The following RPL3L variants were observed in gnomAD, a reference collection of about 807,000 sequenced individuals.
RPL3L encodes ribosomal protein L3 like.
RPL3L carries 44 observed loss-of-function variants against 44.5 expected under a neutral mutation model. That is an observed-to-expected ratio of 0.99 (90% CI 0.78 to 1.27). The LOEUF (loss-of-function observed/expected upper bound fraction) is 1.27, where lower values mean the gene tolerates loss of function less well. Ranked by LOEUF, RPL3L falls within the 50% of genes most tolerant of loss-of-function variation. RPL3L has a pLI of 0.00. For missense variants in RPL3L, 631 were observed against 569.1 expected, an observed-to-expected ratio of 1.11 and a Z score of -1.11; for synonymous variants, 292 against 230.7, an observed-to-expected ratio of 1.27 and a Z score of -2.41.
At chr16:1,947,511 T>G in intron 4 of RPL3L, 131 bp from the exon 5 acceptor site, 2 of 1,142,556 alleles carry the variant, frequency 1.8e-6, no homozygotes, top group Non-Finnish European at 1.2e-6. Flanking sequence ...CAGGATCAGG[T>G]TGCAACCCAT....
rs1309717155 is a variant in RPL3L, at chr16:1,944,830, A to G, written c.*7T>C. 2 of 1,613,898 alleles carry G rather than the reference A, an allele frequency of 1.2e-6. No individual in the cohort carries two copies. Among genetic ancestry groups the G allele is most frequent in the Admixed American group, 3.3e-5 (2 of 59,986 alleles). On this transcript the variant is annotated 3_prime_UTR_variant, in exon 10 of 10. Transcript: ENST00000268661. The stretch of plus-strand genomic sequence containing the variant: ...GTGCGCTTCAGGGTTCATCCACCCC[A>G]CACAGCCTACAAGTCTCCCGAGGTC...
intron 2 of RPL3L, 66 bp from the exon 3 acceptor site, chr16:1,953,108 G>C (rs2083183318): frequency 6.6e-7 from 1 of 1,513,734 alleles, no homozygotes; most frequent in Non-Finnish European, 8.9e-7. Context: ...AGGGAGTGGA[G>C]AGCCGCCCAC....
chr16:1,949,986 G>A (rs1181696223), intron 4 of RPL3L, among the ~76,000 whole-genome samples: 5 of 134,912 alleles, frequency 3.7e-5, no homozygotes, highest in African/African-American at 1.4e-4. Flanking sequence ...GGGCAGGTAT[G>A]GACAGGGCAG....
At position 1,950,976 on chromosome 16, in the gene RPL3L, G is replaced by C. The variant is rs540319038; in HGVS notation, c.369C>G (p.His123Gln). 6.2e-7 allele frequency: 1 copy of C among 1,613,648 alleles called. No individual in the cohort carries two copies. ...TGGTGAAGGCTTTCTTCTTGCTCTTGTGCCTGAGCCATGCACAGGAGGGTG... is the reference window on the plus strand; with the variant it reads ...TGGTGAAGGCTTTCTTCTTGCTCTTCTGCCTGAGCCATGCACAGGAGGGTG... ...ECRRRFYKDW[H>Q]KSKKKAFTKA... is the part of the protein sequence containing the mutation. The change falls in exon 4 of 10, where the codon CAC (histidine) becomes CAG (glutamine). Residue 123 changes from histidine to glutamine, a missense_variant. By Grantham distance (24) the His-to-Gln change is conservative. Coordinates refer to ENST00000268661, the MANE Select transcript of RPL3L (RefSeq NM_005061.3).
intron 4 of RPL3L, among the ~76,000 whole-genome samples, 187 bp from the exon 5 acceptor site, chr16:1,947,567 GAGTCCC>G (rs2083133660): frequency 6.6e-6 from 1 of 152,238 alleles, no homozygotes; most frequent in Non-Finnish European, 1.5e-5. Context: ...GAGGCAGACA[GAGTCCC>G]ACACCTCGGG....
Position 1,954,027 on chromosome 16 carries a change from T to C in RPL3L, c.125A>G (p.His42Arg). 1 of 1,607,072 alleles carries C rather than the reference T, an allele frequency of 6.2e-7. No homozygotes were observed. Among genetic ancestry groups the C allele is most frequent in the East Asian group, 2.3e-5 (1 of 44,358 alleles). Residue 42 changes from histidine to arginine, a missense_variant, in exon 2 of 10, where the codon CAC becomes CGC. By Grantham distance (29) the His-to-Arg change is conservative. Transcript: ENST00000268661. ...WPRDDPSQPVHLTAFLGYKAG... is the reference protein window; with the variant it reads ...WPRDDPSQPVRLTAFLGYKAG... ...CTTGTAGCCCAGGAAGGCCGTGAGG[T>C]GCACGGGCTGGCTGGGGTCATCCCG...
At chr16:1,946,577 A>G (rs773115967) in intron 7 of RPL3L, 48 bp downstream of exon 7, 3 of 1,579,634 alleles carry the variant, frequency 1.9e-6, no homozygotes, top group Admixed American at 3.3e-5. Context: ...CACTCCAGCC[A>G]TCATCAGCGG....
In RPL3L at chr16:1,950,115, AGGTATGTAGGGGG is replaced by A. The variant is rs1567310846; in HGVS notation, c.501+716_501+728del. ...TGTAGGGGGCAGGTATGGACGGGGCAGGTATGTAGGGGGCAGGTATGGACAGGGCAGGTATGTA... is the reference window on the plus strand; with the variant it reads ...TGTAGGGGGCAGGTATGGACGGGGCACAGGTATGGACAGGGCAGGTATGTA... On this transcript the variant is annotated intron_variant, in intron 4 of 9. Coordinates refer to ENST00000268661, the MANE Select transcript of RPL3L (RefSeq NM_005061.3). 8.7e-3 allele frequency among the ~76,000 whole-genome samples: 484 copies of A among 55,670 alleles called. 5 individuals carry two copies. Among genetic ancestry groups the A allele is most frequent in the African/African-American group, 0.032 (423 of 13,186 alleles). The allele number at this position is 55,670 out of a possible 152,430, so 36.5% of individuals were successfully genotyped here.
At chr16:1,948,703 TTTTTTTTGTTTG>T (rs201488268) in intron 4 of RPL3L, among the ~76,000 whole-genome samples, 3,345 of 150,820 alleles carry the variant, frequency 0.022, 116 homozygotes, top group African/African-American at 0.077. Context: ...CCCAGTTGTT[TTTTTTTTGTTTG>T]TTTGTTTGTT....
rs779462359 is a variant in RPL3L, at chr16:1,946,621, T to C, written c.951+4A>G. The C allele has an allele frequency of 6.2e-7, 1 of 1,611,352 alleles. No individual in the cohort carries two copies. Among genetic ancestry groups the C allele is most frequent in the Non-Finnish European group, 8.5e-7 (1 of 1,178,902 alleles). Reference sequence around the variant, plus strand: ...GCCTGGCAGTCGCCCCCTCCCAGCCTCACCAGCGGTGTGATGGACTTGGCA... The same window carrying C: ...GCCTGGCAGTCGCCCCCTCCCAGCCCCACCAGCGGTGTGATGGACTTGGCA... On this transcript the variant is annotated splice_donor_region_variant and intron_variant, in intron 7 of 9. Coordinates refer to ENST00000268661, the MANE Select transcript of RPL3L (RefSeq NM_005061.3).
At chr16:1,954,325 T>C (rs2083192592) in intron 1 of RPL3L, among the ~76,000 whole-genome samples, 177 bp from the exon 2 acceptor site, 2 of 152,058 alleles carry the variant, frequency 1.3e-5, no homozygotes, top group African/African-American at 4.8e-5. Flanking sequence ...GGCAGCGTCT[T>C]TGGGATGGGG....
intron 3 of RPL3L, among the ~76,000 whole-genome samples, chr16:1,951,800 T>C (rs1016454218): frequency 4.7e-5 from 7 of 150,056 alleles, no homozygotes; most frequent in African/African-American, 7.3e-5. Flanking sequence ...AAACCAAGGT[T>C]TCTTTCAGGA....
chr16:1,952,873 C>CCAGTCCTTGTAGAATCGGCGCCGGCACT lies in RPL3L; in HGVS notation c.338_365dup (p.Trp122Ter). 6.2e-7 allele frequency: 1 copy of CCAGTCCTTGTAGAATCGGCGCCGGCACT among 1,613,782 alleles called. No homozygotes were observed. The highest frequency in any genetic ancestry group is 1.1e-5 in the South Asian group (1 of 91,084). On this transcript the variant is annotated stop_gained and frameshift_variant and splice_region_variant. Transcript: ENST00000268661. LOFTEE classifies it high-confidence loss of function. ...ACGGCCCAGCCAAGGGCGGTGCTCA[C>CCAGTCCTTGTAGAATCGGCGCCGGCACT]CAGTCCTTGTAGAATCGGCGCCGGC...
Position 1,947,297 on chromosome 16 carries a change from G to T in RPL3L, c.585C>A (p.Ala195=), listed in dbSNP as rs1022541628. ...GCTTCTCCAGCCGGGCCTGGGCCCA[G>T]GCCACCTTCTCGGCCACCGTGCCAC... The part of the protein sequence containing the change: ...LNGGTVAEKV[A]WAQARLEKQV... The change falls in exon 5 of 10, where the codon GCC becomes GCA. Residue 195 remains alanine (A), a synonymous_variant. Coordinates refer to ENST00000268661, the MANE Select transcript of RPL3L (RefSeq NM_005061.3). The T allele has an allele frequency of 6.2e-7, 1 of 1,612,960 alleles. No homozygotes were observed. The highest frequency in any genetic ancestry group is 2.2e-5 in the East Asian group (1 of 44,854).
At position 1,947,076 on chromosome 16, in the gene RPL3L, G is replaced by C; in HGVS notation, c.711C>G (p.Thr237=). 1 of 1,613,728 alleles carries C rather than the reference G, an allele frequency of 6.2e-7. No individual in the cohort carries two copies. Among genetic ancestry groups the C allele is most frequent in the Non-Finnish European group, 8.5e-7 (1 of 1,179,996 alleles). The stretch of plus-strand genomic sequence containing the variant: ...TATGGGTCTTCCGCGGCAGCTTCTT[G>C]GTATGCCAGCGGCTTGTGACCCCTG... ...GVKGVTSRWH[T]KKLPRKTHKG... The change falls in exon 6 of 10, where the codon ACC becomes ACG. Residue 237 remains threonine (T), a synonymous_variant. Transcript: ENST00000268661.
intron 9 of RPL3L, among the ~76,000 whole-genome samples, chr16:1,945,226 G>A (rs1225121077): frequency 6.6e-6 from 1 of 151,988 alleles, no homozygotes; most frequent in Non-Finnish European, 1.5e-5. Context: ...GTGGTGGCAC[G>A]TGCCTGTAGT....
At chr16:1,949,824 C>T (rs1044695966) in intron 4 of RPL3L, among the ~76,000 whole-genome samples, 1 of 7,228 alleles carries the variant, frequency 1.4e-4, no homozygotes, top group Non-Finnish European at 2.1e-4. Flanking sequence ...CAGGTATGGA[C>T]GGGGCAGGTA....
chr16:1,954,621 C>G lies in RPL3L; in HGVS notation c.3+8G>C. 6.5e-7 allele frequency: 1 copy of G among 1,548,248 alleles called. No individual in the cohort carries two copies. Among genetic ancestry groups the G allele is most frequent in the Non-Finnish European group, 8.7e-7 (1 of 1,149,528 alleles). ...ACCCCAGCCCACCCTCACCCTGGTC[C>G]CACCAACCATGGTGGCCGATCCCTG... is the stretch of plus-strand genomic sequence containing the variant. On this transcript the variant is annotated splice_region_variant and intron_variant, in intron 1 of 9. Transcript: ENST00000268661.
Position 1,944,755 on chromosome 16 carries a change from G to A in RPL3L, c.*82C>T, listed in dbSNP as rs1444351415. On this transcript the variant is annotated 3_prime_UTR_variant, in exon 10 of 10. Coordinates refer to ENST00000268661, the MANE Select transcript of RPL3L (RefSeq NM_005061.3). ...CGGTTACACAGCGCTCTGAGACCTC[G>A]CAGGAAGAGTCGCCTCCGGCCTTTG... is the stretch of plus-strand genomic sequence containing the variant. 60 of 1,587,440 alleles carry A rather than the reference G, an allele frequency of 3.8e-5. No individual in the cohort carries two copies. Among genetic ancestry groups the A allele is most frequent in the Non-Finnish European group, 4.2e-5 (49 of 1,156,568 alleles).
Sources: allele counts gnomAD v4.1 joint callset (sites outside exome capture counted in the v4.1 genomes callset), GRCh38; gene constraint gnomAD v4.1.1; transcripts MANE v1.5; gene names NCBI Gene and HGNC (gene_info 2026-07-23, HGNC 2026-07-21).